Variants in CUBN observed in about 807,000 individuals in gnomAD.
CUBN encodes the protein cubilin, also known as 460 kDa receptor.
In CUBN, 282 loss-of-function variants were observed where a neutral mutation model predicts 405.3. That is an observed-to-expected ratio of 0.70 (90% CI 0.63 to 0.77). CUBN has a LOEUF of 0.77. CUBN is among the 30% of genes least tolerant of loss of function. CUBN has a pLI of 0.00. For missense variants in CUBN, 4,514 were observed against 4,475.2 expected (o/e 1.01, Z -0.25); for synonymous variants, 1,684 against 1,617.0 (o/e 1.04, Z -0.99).
At chr10:16,857,493 C>A (rs1301232111) in intron 59 of CUBN, among the ~76,000 whole-genome samples, 1 of 152,176 alleles carries the variant, frequency 6.6e-6, no homozygotes, top group African/African-American at 2.4e-5. Context: ...ATGCTCTATG[C>A]ATACATCATT....
Position 17,105,564 on chromosome 10 carries a change from G to C in CUBN, c.1123C>G (p.Leu375Val). The C allele has an allele frequency of 6.3e-7, 1 of 1,590,182 alleles. No individual in the cohort carries two copies. ...GTATAACCCGGGAGACACGTGCAGA[G>C]AGGTAAGGAACCTGTTCAGAAATAA... ...SCSSTLGSLP[L>V]CTCLPGYTGN... Residue 375 changes from leucine to valine, a missense_variant, in exon 11 of 67, where the codon CTC becomes GTC. Physicochemically the swap from Leu to Val is conservative, Grantham distance 32. This residue lies in a region of CUBN where 1,448 missense variants were observed against 1,388.0 expected (regional missense o/e 1.04). Coordinates refer to ENST00000377833, the MANE Select transcript of CUBN (RefSeq NM_001081.4).
chr10:16,999,525 C>G (rs1226109839), intron 28 of CUBN, among the ~76,000 whole-genome samples: 2 of 152,194 alleles, frequency 1.3e-5, no homozygotes, highest in African/African-American at 4.8e-5. Flanking sequence ...TCTTTTCCCT[C>G]TCCTTGGATG....
At chr10:16,902,029 G>GTATA (rs36171086) in intron 51 of CUBN, among the ~76,000 whole-genome samples, 2,506 of 120,038 alleles carry the variant, frequency 0.021, 68 homozygotes, top group African/African-American at 0.063. Flanking sequence ...TATATAGTGT[G>GTATA]TATATATATA....
chr10:16,829,287 A>G (rs906780584), intron 65 of CUBN, among the ~76,000 whole-genome samples: 8 of 149,462 alleles, frequency 5.4e-5, no homozygotes, highest in Non-Finnish European at 1.5e-5. Context: ...ATCACAACCC[A>G]GGGATAACTT....
chr10:16,913,926 G>A lies in CUBN; in HGVS notation c.7418C>T (p.Pro2473Leu). 1 of 1,614,118 alleles carries A rather than the reference G, an allele frequency of 6.2e-7. No homozygotes were observed. The highest frequency in any genetic ancestry group is 1.3e-5 in the African/African-American group (1 of 75,016). Reference sequence around the variant, plus strand: ...TCTCCACTCGCAGATCCGGCCATGAGGATTTGGGTTCGGGTAGTTGGGAGA... The same window carrying A: ...TCTCCACTCGCAGATCCGGCCATGAAGATTTGGGTTCGGGTAGTTGGGAGA... ...FTSPNYPNPN[P>L]HGRICEWRIT... Residue 2473 changes from proline to leucine, a missense_variant, in exon 48 of 67, where the codon CCT (proline) becomes CTT (leucine). Transcript: ENST00000377833.
In CUBN at chr10:16,907,270, A is replaced by G. The variant is rs1285642895; in HGVS notation, c.7705+238T>C. Among the ~76,000 whole-genome samples the G allele has an allele frequency of 2.0e-5, 3 of 152,260 alleles. No individual in the cohort carries two copies. In the East Asian group the frequency reaches 5.8e-4, roughly 29 times the overall value. ...GTAACATGACCTGAAACTGTGCTAG[A>G]AGCTAATCTAATAGCATTAAAAGTT... On this transcript the variant is annotated intron_variant, in intron 49 of 66. Coordinates refer to ENST00000377833, the MANE Select transcript of CUBN (RefSeq NM_001081.4).
At chr10:17,128,933 T>C (rs1263593447) in intron 2 of CUBN, among the ~76,000 whole-genome samples, 188 bp downstream of exon 2, 3 of 152,172 alleles carry the variant, frequency 2.0e-5, no homozygotes, top group Admixed American at 2.0e-4. Flanking sequence ...AAAAGGTAAA[T>C]ATTTAAGGTG....
intron 19 of CUBN, among the ~76,000 whole-genome samples, chr10:17,070,634 G>A (rs139410052): frequency 0.019 from 2,932 of 152,074 alleles, 45 homozygotes; most frequent in East Asian, 0.069. Flanking sequence ...ATTGTAAATG[G>A]AATTGTTTCC....
chr10:17,052,759 C>CAAAAAAA (rs10574636), intron 22 of CUBN, among the ~76,000 whole-genome samples: 1 of 55,114 alleles, frequency 1.8e-5, no homozygotes, highest in Non-Finnish European at 3.2e-5. Context: ...GACTCAGTCT[C>CAAAAAAA]AAAAAAAAAA....
intron 55 of CUBN, 103 bp downstream of exon 55, chr10:16,890,268 C>A: frequency 9.3e-7 from 1 of 1,073,014 alleles, no homozygotes; most frequent in Non-Finnish European, 1.4e-6. Context: ...CCCCGTAGAC[C>A]CCCATACTCC....
chr10:17,084,128 G>C (rs560291146), intron 17 of CUBN, 143 bp downstream of exon 17: 4 of 775,698 alleles, frequency 5.2e-6, no homozygotes, highest in Non-Finnish European at 8.9e-6. Flanking sequence ...TTAGTCATTA[G>C]AGCTTAGTTA....
chr10:17,114,662 G>T (rs183721705), intron 7 of CUBN, among the ~76,000 whole-genome samples: 1 of 152,238 alleles, frequency 6.6e-6, no homozygotes, highest in African/African-American at 2.4e-5. Context: ...TAAAAATAAA[G>T]AATTGAAGTT....
In CUBN at chr10:16,933,163, G is replaced by A. The variant is rs770723197; in HGVS notation, c.6048C>T (p.Thr2016=). The change falls in exon 40 of 67, where the codon ACC becomes ACT. Residue 2016 remains threonine, a synonymous_variant. Coordinates refer to ENST00000377833, the MANE Select transcript of CUBN (RefSeq NM_001081.4). ...CCAGGGAAAGAATGTTGAGTTCCACGGTAGAGTCGGGAGCCTGGATGAGCC... is the reference window on the plus strand; with the variant it reads ...CCAGGGAAAGAATGTTGAGTTCCACAGTAGAGTCGGGAGCCTGGATGAGCC... ...CTWLIQAPDS[T]VELNILSLDI... The A allele has an allele frequency of 6.2e-6, 10 of 1,614,024 alleles. No individual in the cohort carries two copies. Among genetic ancestry groups the A allele is most frequent in the East Asian group, 4.5e-5 (2 of 44,870 alleles).
intron 22 of CUBN, among the ~76,000 whole-genome samples, chr10:17,049,441 T>C (rs542378920): frequency 5.8e-4 from 88 of 152,298 alleles, no homozygotes; most frequent in Middle Eastern, 3.4e-3. Context: ...ATGCAACTTG[T>C]CTGTGGGAGA....
rs1334526913 is a variant in CUBN, at chr10:16,947,219, A to G, written c.5342+16T>C. ...TTCATTAGCACTGAAACAATACACC[A>G]TAAAAAAGGATTTACATAAAAGACA... On this transcript the variant is annotated intron_variant, in intron 36 of 66. Coordinates refer to ENST00000377833, the MANE Select transcript of CUBN (RefSeq NM_001081.4). 8 of 1,613,790 alleles carry G rather than the reference A, an allele frequency of 5.0e-6. No homozygotes were observed. Among genetic ancestry groups the G allele is most frequent in the South Asian group, 1.1e-5 (1 of 91,078 alleles).
Position 17,015,697 on chromosome 10 carries a change from G to A in CUBN, c.4168+4136C>T, listed in dbSNP as rs528130126. On this transcript the variant is annotated intron_variant, in intron 28 of 66. Transcript: ENST00000377833. ...CCTGTTGTTGGATCATCTGGTTGGG[G>A]ACTTCTTGCCCAGAGAACCACTGCA... 9.1e-4 allele frequency among the ~76,000 whole-genome samples: 139 copies of A among 152,264 alleles called. 1 individual carries two copies. In the South Asian group the frequency reaches 0.013, roughly 14 times the overall value.
chr10:17,053,048 T>G (rs1440670660), intron 22 of CUBN, among the ~76,000 whole-genome samples: 1 of 151,494 alleles, frequency 6.6e-6, no homozygotes, highest in African/African-American at 2.4e-5. Context: ...AGTTAAGGAG[T>G]ATATTTTTAG....
chr10:16,881,731 A>C (rs1417690596), intron 56 of CUBN, among the ~76,000 whole-genome samples: 2 of 152,244 alleles, frequency 1.3e-5, no homozygotes, highest in Non-Finnish European at 2.9e-5. Context: ...CTCCAAAAGA[A>C]ATCAAACATG....
intron 33 of CUBN, among the ~76,000 whole-genome samples, chr10:16,950,347 G>GGGAT (rs1307788500): frequency 6.6e-6 from 1 of 152,148 alleles, no homozygotes; most frequent in Non-Finnish European, 1.5e-5. Context: ...AATGCTTGAA[G>GGGAT]GGATGGATAC....
Sources: gnomAD v4.1 joint callset for allele counts (sites outside exome capture counted in the v4.1 genomes callset) on GRCh38, gnomAD v4.1.1 for gene constraint, gnomAD v4.1.1 regional missense constraint, MANE v1.5 for transcripts, NCBI Gene and HGNC (gene_info 2026-07-23, HGNC 2026-07-21) for gene names.